The following TBC1D1 variants were observed in gnomAD, a reference collection of about 807,000 sequenced individuals.
The protein encoded by TBC1D1 is TBC1 domain family member 1.
A neutral mutation model predicts 125.6 loss-of-function variants in TBC1D1; 89 were observed. That is an observed-to-expected ratio of 0.71 (90% CI 0.60 to 0.85). The LOEUF is 0.85. TBC1D1 is among the 40% of genes least tolerant of loss of function. TBC1D1 has a pLI of 0.00. For missense variants in TBC1D1, 1,377 were observed against 1,469.2 expected (o/e 0.94, Z 1.03); for synonymous variants, 565 against 564.1 (o/e 1.00, Z -0.02).
intron 17 of TBC1D1, among the ~76,000 whole-genome samples, chr4:38,121,942 C>T (rs993901999): frequency 4.6e-5 from 7 of 152,198 alleles, no homozygotes; most frequent in African/African-American, 1.4e-4. Flanking sequence ...GAGGCCCTTC[C>T]TCCCAAGCAA....
At chr4:38,034,745 T>C (rs1224292206) in intron 7 of TBC1D1, among the ~76,000 whole-genome samples, 1 of 152,228 alleles carries the variant, frequency 6.6e-6, no homozygotes, top group East Asian at 1.9e-4. Context: ...AAAAAAGATG[T>C]ATTTTCAAAA....
At chr4:38,094,574 T>C (rs1164275042) in intron 13 of TBC1D1, among the ~76,000 whole-genome samples, 1 of 152,238 alleles carries the variant, frequency 6.6e-6, no homozygotes, top group African/African-American at 2.4e-5. Context: ...AGCAGTGTTG[T>C]TAGGATACGG....
At chr4:37,944,061 C>T (rs1726133095) in intron 2 of TBC1D1, among the ~76,000 whole-genome samples, 1 of 152,238 alleles carries the variant, frequency 6.6e-6, no homozygotes, top group Non-Finnish European at 1.5e-5. Flanking sequence ...ACAGTCAGGA[C>T]CCTCAGCTGC....
rs367665278 is a variant in TBC1D1, at chr4:38,091,405, AT to A, written c.2236+1289del. 6.1e-4 allele frequency among the ~76,000 whole-genome samples: 93 copies of A among 152,166 alleles called. 1 individual carries two copies. The highest frequency in any genetic ancestry group is 2.1e-3 in the African/African-American group (87 of 41,506). ...AACCCAGTTTTTCTGCCACTTTCTT[AT>A]GTTTTTGTGAAGGTAATTTTAAAAG... On this transcript the variant is annotated intron_variant, in intron 13 of 19. Transcript: ENST00000261439.
chr4:38,120,037 A>G (rs983074475), intron 17 of TBC1D1: 41 of 985,374 alleles, frequency 4.2e-5, no homozygotes, highest in Non-Finnish European at 4.8e-5. Context: ...TAGCCCTTCT[A>G]TTGCAGAGTA....
intron 7 of TBC1D1, among the ~76,000 whole-genome samples, chr4:38,030,071 T>C (rs1412078867): frequency 6.6e-6 from 1 of 152,230 alleles, no homozygotes; most frequent in African/African-American, 2.4e-5. Context: ...CATCTTTCTA[T>C]CAAGAATAGA....
intron 12 of TBC1D1, among the ~76,000 whole-genome samples, chr4:38,086,185 G>T (rs1224006897): frequency 4.6e-5 from 7 of 152,150 alleles, no homozygotes; most frequent in Admixed American, 4.6e-4. Flanking sequence ...TTGTTACCAC[G>T]TGAAATGAAT....
chr4:38,104,159 CAAA>C (rs71658758), intron 15 of TBC1D1, among the ~76,000 whole-genome samples: 968 of 83,892 alleles, frequency 0.012, 6 homozygotes, highest in African/African-American at 0.041. Context: ...GACTCTGTCT[CAAA>C]AAAAAAAAAA....
intron 14 of TBC1D1, 108 bp from the exon 17 acceptor site, chr4:38,102,891 A>T (rs1760625683): frequency 7.3e-7 from 1 of 1,365,012 alleles, no homozygotes; most frequent in Non-Finnish European, 9.9e-7. Context: ...AAAAAAAAAA[A>T]AAAAGGAACA....
chr4:38,094,805 C>T (rs1259823284), intron 13 of TBC1D1, among the ~76,000 whole-genome samples: 2 of 134,878 alleles, frequency 1.5e-5, no homozygotes, highest in African/African-American at 5.5e-5. Flanking sequence ...GCAAGGCTAG[C>T]CCCAAACCTG....
intron 2 of TBC1D1, among the ~76,000 whole-genome samples, chr4:37,954,507 G>C (rs1272847989): frequency 6.6e-6 from 1 of 152,152 alleles, no homozygotes; most frequent in Non-Finnish European, 1.5e-5. Context: ...TTTTAGTGAA[G>C]AGGAAATGGG....
rs574592766 is a variant in TBC1D1 at position 37,959,325 on chromosome 4, G to T, written c.418-55184G>T. Among the ~76,000 whole-genome samples, 70 of 152,278 alleles carry T rather than the reference G, an allele frequency of 4.6e-4. 1 individual carries two copies. In the South Asian group the frequency reaches 0.013, roughly 29 times the overall value. ...CTATATCCTGTATTCTCACAATAAA[G>T]TAAGCTGAAGAAAATGTTATTAAGA... On this transcript the variant is annotated intron_variant, in intron 2 of 19. Transcript: ENST00000261439.
At chr4:37,975,072 A>G (rs1374417754) in intron 2 of TBC1D1, among the ~76,000 whole-genome samples, 2 of 152,192 alleles carry the variant, frequency 1.3e-5, no homozygotes, top group Non-Finnish European at 2.9e-5. Context: ...ACTACCACCA[A>G]GATGTGGAGA....
intron 14 of TBC1D1, 44 bp downstream of exon 16, chr4:38,096,134 G>T (rs777891536): frequency 5.9e-6 from 9 of 1,529,642 alleles, no homozygotes; most frequent in Non-Finnish European, 8.0e-6. Flanking sequence ...ACCCCTCATT[G>T]GTGATTGGGG....
chr4:38,125,018 G>A lies in TBC1D1; in HGVS notation c.3019G>A (p.Gly1007Arg). Reference sequence around the variant, plus strand: ...ATTTAAAGTGGCTTTAAGTCTGTTGGGAAGCCATAAGCCCTTGATTCTGCA... The same window carrying A: ...ATTTAAAGTGGCTTTAAGTCTGTTGAGAAGCCATAAGCCCTTGATTCTGCA... The change falls in exon 18 of 20, where the codon GGA (glycine) becomes AGA (arginine). Residue 1007 changes from glycine to arginine, a missense_variant. Physicochemically the swap from Gly to Arg is moderately radical, Grantham distance 125 (BLOSUM62 -2). Coordinates refer to ENST00000261439, the MANE Select transcript of TBC1D1 (RefSeq NM_015173.4). 6.2e-7 allele frequency: 1 copy of A among 1,613,980 alleles called. No individual in the cohort carries two copies. Among genetic ancestry groups the A allele is most frequent in the Non-Finnish European group, 8.5e-7 (1 of 1,179,966 alleles).
At chr4:37,913,596 T>C (rs1487082585) in intron 2 of TBC1D1, among the ~76,000 whole-genome samples, 2 of 149,324 alleles carry the variant, frequency 1.3e-5, no homozygotes, top group Admixed American at 1.3e-4. Context: ...TGAAACTCCA[T>C]CTCAAAAAAT....
At position 38,138,351 on chromosome 4, in the gene TBC1D1, T is replaced by C. The variant is rs573364649; in HGVS notation, c.*1016T>C. On this transcript the variant is annotated 3_prime_UTR_variant, in exon 20 of 20. Transcript: ENST00000261439. ...GTATTTATTTTTGCCTGTTGTGTGA[T>C]GTAATGCAATCATGTTCCTTTGAGT... The C allele has an allele frequency of 1.1e-3, 163 of 152,490 alleles. No homozygotes were observed. The highest frequency in any genetic ancestry group is 3.7e-3 in the African/African-American group (155 of 41,582). 9.4% of individuals were successfully genotyped at this position (152,490 alleles called of 1,614,324 possible).
rs116147071 is a variant in TBC1D1 at position 38,007,052 on chromosome 4, T to C, written c.418-7457T>C. On this transcript the variant is annotated intron_variant, in intron 2 of 19. Coordinates refer to ENST00000261439, the MANE Select transcript of TBC1D1 (RefSeq NM_015173.4). ...CAGTCGGCCTGGCGACTTCACCAAA[T>C]AGCTGAGCACTGAGACGAGACATGC... The C allele has an allele frequency of 2.8e-3, 1,077 of 391,004 alleles. 3 individuals are homozygous for C. The highest frequency in any genetic ancestry group is 0.022 in the African/African-American group (1,009 of 46,636). The allele number at this position is 391,004 out of a possible 1,614,324, so 24.2% of individuals were successfully genotyped here. A position where few individuals can be genotyped will look rare whatever the true frequency, so the allele number is the denominator to read the frequency against.
intron 1 of TBC1D1, among the ~76,000 whole-genome samples, chr4:37,895,799 C>G (rs534342506): frequency 6.6e-6 from 1 of 152,274 alleles, no homozygotes; most frequent in South Asian, 2.1e-4. Flanking sequence ...ACTAAAGCAT[C>G]CTTGATGATG....
Sources: gnomAD v4.1 joint callset for allele counts (sites outside exome capture counted in the v4.1 genomes callset) on GRCh38, gnomAD v4.1.1 for gene constraint, MANE v1.5 for transcripts, NCBI Gene and HGNC (gene_info 2026-07-23, HGNC 2026-07-21) for gene names.